The following SCIN variants were observed in gnomAD, a reference collection of about 807,000 sequenced individuals.
SCIN encodes the protein scinderin.
In SCIN, 91 loss-of-function variants were observed where a neutral mutation model predicts 91.8. The observed-to-expected ratio is 0.99, with a 90% CI of 0.84 to 1.18. The LOEUF (loss-of-function observed/expected upper bound fraction) is 1.18, where lower values mean the gene tolerates loss of function less well. SCIN is among the 50% of genes most tolerant of loss of function. The probability of loss-of-function intolerance (pLI) is 0.00; values close to 1 mark genes in which losing one functional copy is unlikely to be tolerated. For synonymous variants in SCIN, 367 were observed against 312.6 expected, an observed-to-expected ratio of 1.17 and a Z score of -1.84; for missense variants, 1,087 against 863.9, an observed-to-expected ratio of 1.26 and a Z score of -3.24.
chr7:12,615,949 A>T lies in SCIN; in HGVS notation c.667-6852A>T, dbSNP rs556825965. ...GGTTTATGTACCTTTTCCTCAAAGG[A>T]TAAGATGAGATAAAATTAAACAAGT... On this transcript the variant is annotated intron_variant, in intron 4 of 15. Coordinates refer to ENST00000297029, the MANE Select transcript of SCIN (RefSeq NM_001112706.3). Among the ~76,000 whole-genome samples the T allele has an allele frequency of 1.9e-4, 29 of 152,268 alleles. No individual in the cohort carries two copies. In the South Asian group the frequency reaches 2.3e-3, roughly 12 times the overall value.
At chr7:12,633,779 T>C (rs1273896245) in intron 9 of SCIN, among the ~76,000 whole-genome samples, 1 of 152,194 alleles carries the variant, frequency 6.6e-6, no homozygotes, top group African/African-American at 2.4e-5. Context: ...TAACAGACCC[T>C]GCGGTGGCCC....
In SCIN at chr7:12,581,144, G is replaced by A. The variant is rs1490905132; in HGVS notation, c.439G>A (p.Val147Met). The A allele has an allele frequency of 1.3e-6, 2 of 1,551,546 alleles. No individual in the cohort carries two copies. Among genetic ancestry groups the A allele is most frequent in the Non-Finnish European group, 1.7e-6 (2 of 1,146,866 alleles). ...GCTCCTACATGTGAAGGGTCGTAGA[G>A]TGGTGAGAGCCACAGAAGTTCCCCT... Reference protein sequence around the residue: ...KRLLHVKGRRVVRATEVPLSW... With the variant: ...KRLLHVKGRRMVRATEVPLSW... Residue 147 changes from valine (V) to methionine (M), a missense_variant, in exon 3 of 16, where the codon GTG becomes ATG. Physicochemically the swap from Val to Met is conservative, Grantham distance 21 (BLOSUM62 1). Transcript: ENST00000297029.
intron 3 of SCIN, among the ~76,000 whole-genome samples, chr7:12,587,360 G>A (rs1469634446): frequency 6.6e-6 from 1 of 152,192 alleles, no homozygotes; most frequent in African/African-American, 2.4e-5. Flanking sequence ...GGGGAGTGAG[G>A]ATGAGGATGG....
At chr7:12,599,194 A>T (rs1782905276) in intron 3 of SCIN, among the ~76,000 whole-genome samples, 1 of 152,196 alleles carries the variant, frequency 6.6e-6, no homozygotes, top group African/African-American at 2.4e-5. Context: ...CTTTGAGGTA[A>T]AAAGAAAACT....
chr7:12,573,135 G>A (rs1782302305), intron 1 of SCIN, among the ~76,000 whole-genome samples: 1 of 152,128 alleles, frequency 6.6e-6, no homozygotes, highest in African/African-American at 2.4e-5. Context: ...TCCTACTTCA[G>A]TTCCCTAAGA....
rs140884170 is a variant in SCIN at position 12,658,943 on chromosome 7, GTTGTTGT to G, written c.*6234_*6240del. Reference sequence around the variant, plus strand: ...GACACCACTATTTATGTTTTTTGTTGTTGTTGTTTGTTTTTGTTTTGTTTTGTTTTGA... The same window carrying G: ...GACACCACTATTTATGTTTTTTGTTGTTGTTTTTGTTTTGTTTTGTTTTGA... On this transcript the variant is annotated 3_prime_UTR_variant, in exon 16 of 16. Coordinates refer to ENST00000297029, the MANE Select transcript of SCIN (RefSeq NM_001112706.3). The G allele has an allele frequency of 0.059, 8,992 of 151,962 alleles. 915 individuals are homozygous for G. Among genetic ancestry groups the G allele is most frequent in the African/African-American group, 0.21 (8,583 of 41,246 alleles). The allele number at this position is 151,962 out of a possible 1,614,324, so 9.4% of individuals were successfully genotyped here. A position where few individuals can be genotyped will look rare whatever the true frequency, so the allele number is the denominator to read the frequency against.
At chr7:12,634,172 T>A (rs994776286) in intron 9 of SCIN, among the ~76,000 whole-genome samples, 3 of 152,096 alleles carry the variant, frequency 2.0e-5, no homozygotes, top group Non-Finnish European at 4.4e-5. Context: ...AGAAAAGATA[T>A]ATTAGGATTG....
intron 4 of SCIN, among the ~76,000 whole-genome samples, chr7:12,605,835 C>G (rs1172222081): frequency 6.6e-6 from 1 of 152,122 alleles, no homozygotes; most frequent in Non-Finnish European, 1.5e-5. Flanking sequence ...GAATTATACG[C>G]AACACACTTA....
intron 3 of SCIN, among the ~76,000 whole-genome samples, chr7:12,600,269 T>C (rs748714936): frequency 6.6e-6 from 1 of 152,172 alleles, no homozygotes; most frequent in Admixed American, 6.5e-5. Flanking sequence ...CCAAACATCA[T>C]ATGTTCTCAC....
At position 12,581,143 on chromosome 7, in the gene SCIN, A is replaced by G. The variant is rs1201225252; in HGVS notation, c.438A>G (p.Arg146=). The change falls in exon 3 of 16, where the codon AGA becomes AGG. Residue 146 remains arginine, a synonymous_variant. Transcript: ENST00000297029. Reference sequence around the variant, plus strand: ...GGCTCCTACATGTGAAGGGTCGTAGAGTGGTGAGAGCCACAGAAGTTCCCC... The same window carrying G: ...GGCTCCTACATGTGAAGGGTCGTAGGGTGGTGAGAGCCACAGAAGTTCCCC... The part of the protein sequence containing the change: ...AKRLLHVKGR[R]VVRATEVPLS... 1 of 1,551,532 alleles carries G rather than the reference A, an allele frequency of 6.4e-7. No homozygotes were observed. The highest frequency in any genetic ancestry group is 1.4e-5 in the African/African-American group (1 of 73,156).
chr7:12,607,119 C>A (rs1057437487), intron 4 of SCIN, among the ~76,000 whole-genome samples: 1 of 152,178 alleles, frequency 6.6e-6, no homozygotes, highest in Non-Finnish European at 1.5e-5. Flanking sequence ...CATTAACTAT[C>A]GGACATCACT....
intron 4 of SCIN, among the ~76,000 whole-genome samples, chr7:12,607,704 C>T (rs763200627): frequency 1.2e-4 from 19 of 152,140 alleles, no homozygotes; most frequent in Non-Finnish European, 2.4e-4. Context: ...GATGAATTTT[C>T]AGTGAAAACC....
chr7:12,595,613 A>G (rs552929772), intron 3 of SCIN: 1 of 152,342 alleles, frequency 6.6e-6, no homozygotes, highest in East Asian at 1.9e-4. Flanking sequence ...GCACTAGGAA[A>G]GACAACTCTT....
Position 12,604,442 on chromosome 7 carries a change from C to G in SCIN, c.517-72C>G. 4 of 1,341,454 alleles carry G rather than the reference C, an allele frequency of 3.0e-6. No individual in the cohort carries two copies. In the South Asian group the frequency reaches 5.6e-5, roughly 19 times the overall value. 83.1% of individuals were successfully genotyped at this position (1,341,454 alleles called of 1,614,324 possible). On this transcript the variant is annotated intron_variant, in intron 3 of 15. Coordinates refer to ENST00000297029, the MANE Select transcript of SCIN (RefSeq NM_001112706.3). ...TTTTCCTTTTTCTTTCCTAATTAATCACAAGTATTACACTGAGGCTGAATG... is the reference window on the plus strand; with the variant it reads ...TTTTCCTTTTTCTTTCCTAATTAATGACAAGTATTACACTGAGGCTGAATG...
At chr7:12,618,506 G>A (rs1008202452) in intron 4 of SCIN, among the ~76,000 whole-genome samples, 1 of 151,978 alleles carries the variant, frequency 6.6e-6, no homozygotes, top group Non-Finnish European at 1.5e-5. Context: ...AGGAATAAAG[G>A]TATTTTTGAG....
chr7:12,629,031 T>G lies in SCIN; in HGVS notation c.1198-70T>G, dbSNP rs1234856126. On this transcript the variant is annotated intron_variant, in intron 8 of 15. Transcript: ENST00000297029. Reference sequence around the variant, plus strand: ...ATAATGGATTTGAACCAAAAATTATTTAAAGCTTATGAGAAATATTATTAG... The same window carrying G: ...ATAATGGATTTGAACCAAAAATTATGTAAAGCTTATGAGAAATATTATTAG... 2.2e-5 allele frequency: 28 copies of G among 1,300,290 alleles called. 1 individual carries two copies. In the South Asian group the frequency reaches 4.8e-4, roughly 22 times the overall value. The allele number at this position is 1,300,290 out of a possible 1,614,324, so 80.5% of individuals were successfully genotyped here.
rs1004475771 is a variant in SCIN at position 12,635,896 on chromosome 7, C to G, written c.1320-149C>G. 1.3e-5 allele frequency: 8 copies of G among 632,476 alleles called. No homozygotes were observed. In the African/African-American group the frequency reaches 1.3e-4, roughly 10 times the overall value. 39.2% of individuals were successfully genotyped at this position (632,476 alleles called of 1,614,324 possible). On this transcript the variant is annotated intron_variant, in intron 9 of 15. Coordinates refer to ENST00000297029, the MANE Select transcript of SCIN (RefSeq NM_001112706.3). ...GACAATTAAATGTTAGATACCTTGA[C>G]AAAAACAATAGCTTAACAGCTTGTA...
intron 4 of SCIN, among the ~76,000 whole-genome samples, chr7:12,607,633 C>T (rs1783105196): frequency 6.6e-6 from 1 of 152,266 alleles, no homozygotes; most frequent in South Asian, 2.1e-4. Flanking sequence ...TGTTTTCATT[C>T]AATACATTCA....
At chr7:12,621,760 G>C (rs1246197944) in intron 4 of SCIN, among the ~76,000 whole-genome samples, 1 of 149,830 alleles carries the variant, frequency 6.7e-6, no homozygotes. Context: ...TAAAAAGATA[G>C]GTATGTTCCC....
Sources: allele counts gnomAD v4.1 joint callset (sites outside exome capture counted in the v4.1 genomes callset), GRCh38; gene constraint gnomAD v4.1.1; transcripts MANE v1.5; gene names NCBI Gene and HGNC (gene_info 2026-07-23, HGNC 2026-07-21).